Variants in RESF1 observed in about 807,000 individuals in gnomAD.
RESF1 encodes retroelement silencing factor 1.
A neutral mutation model predicts 134.7 loss-of-function variants in RESF1; 65 were observed. The observed-to-expected ratio is 0.48, with a 90% CI of 0.40 to 0.59. The LOEUF (loss-of-function observed/expected upper bound fraction) is 0.59. RESF1 is among the 20% of genes least tolerant of loss of function. The pLI, the probability that RESF1 is intolerant of heterozygous loss-of-function variation, is 0.00. For missense variants in RESF1, 2,274 were observed against 2,002.7 expected, an observed-to-expected ratio of 1.14 and a Z score of -2.59; for synonymous variants, 762 against 702.2, an observed-to-expected ratio of 1.09 and a Z score of -1.35.
chr12:31,990,863 G>C (rs149261242), intron 5 of RESF1, among the ~76,000 whole-genome samples: 89 of 152,268 alleles, frequency 5.8e-4, no homozygotes, highest in Non-Finnish European at 8.5e-4. Context: ...CAACTATGAA[G>C]TGAGAGAAAA....
rs1939918306 is a variant in RESF1 at position 31,984,705 on chromosome 12, A to G, written c.3750A>G (p.Glu1250=). Reference sequence around the variant, plus strand: ...CAGATGGGAAAAGTCATTTTCCTGAACTACAAGACGACAGTAGAAAAGATA... The same window carrying G: ...CAGATGGGAAAAGTCATTTTCCTGAGCTACAAGACGACAGTAGAAAAGATA... ...TPPDGKSHFP[E]LQDDSRKDTP... The change falls in exon 4 of 6, where the codon GAA becomes GAG. Residue 1250 remains glutamate, a synonymous_variant. Coordinates refer to ENST00000312561, the MANE Select transcript of RESF1 (RefSeq NM_018169.4). 1.9e-6 allele frequency: 3 copies of G among 1,595,460 alleles called. No homozygotes were observed. The highest frequency in any genetic ancestry group is 2.6e-6 in the Non-Finnish European group (3 of 1,175,620).
Position 31,984,937 on chromosome 12 carries a change from AC to A in RESF1, c.3983del (p.Thr1328AsnfsTer7). The A allele has an allele frequency of 6.2e-7, 1 of 1,613,610 alleles. No homozygotes were observed. Among genetic ancestry groups the A allele is most frequent in the Non-Finnish European group, 8.5e-7 (1 of 1,179,906 alleles). On this transcript the variant is annotated frameshift_variant, in exon 4 of 6. Coordinates refer to ENST00000312561, the MANE Select transcript of RESF1 (RefSeq NM_018169.4). LOFTEE classifies it high-confidence loss of function. ...GGAAACCCGACAGAAGAAACATGTA[AC>A]ACAGAACTCACGTCCACTAAAAACA... The part of the protein sequence containing the change: ...SQETRQKKHV[T>X]QNSRPLKTKT...
chr12:31,984,817 C>G lies in RESF1; in HGVS notation c.3862C>G (p.Pro1288Ala), dbSNP rs1172259113. The change falls in exon 4 of 6, where the codon CCC becomes GCC. Residue 1288 changes from proline to alanine, a missense_variant. By Grantham distance (27) the Pro-to-Ala change is conservative. Coordinates refer to ENST00000312561, the MANE Select transcript of RESF1 (RefSeq NM_018169.4). Reference protein sequence around the residue: ...QFSSKCDKLNPLQNHKRKKLR... With the variant: ...QFSSKCDKLNALQNHKRKKLR... ...TTCATCTAAATGTGATAAACTAAATCCCTTGCAAAATCACAAAAGAAAAAA... is the reference window on the plus strand; with the variant it reads ...TTCATCTAAATGTGATAAACTAAATGCCTTGCAAAATCACAAAAGAAAAAA... 1 of 1,606,890 alleles carries G rather than the reference C, an allele frequency of 6.2e-7. No individual in the cohort carries two copies. Among genetic ancestry groups the G allele is most frequent in the African/African-American group, 1.3e-5 (1 of 74,402 alleles).
rs1255604133 is a variant in RESF1, at chr12:31,985,242, G to A, written c.4287G>A (p.Lys1429=). Residue 1429 remains lysine (K), a synonymous_variant, in exon 4 of 6, where the codon AAG becomes AAA. Coordinates refer to ENST00000312561, the MANE Select transcript of RESF1 (RefSeq NM_018169.4). ...IVKEKMVSNT[K]SVDTKASSSK... is the part of the protein sequence containing the mutation. ...AAGAAAAGATGGTATCAAATACTAA[G>A]TCTGTAGACACGAAAGCGAGTTCAT... The A allele has an allele frequency of 3.7e-6, 6 of 1,607,806 alleles. No homozygotes were observed. The highest frequency in any genetic ancestry group is 1.7e-5 in the Admixed American group (1 of 58,094).
intron 2 of RESF1, among the ~76,000 whole-genome samples, chr12:31,963,218 G>A (rs935428180): frequency 3.3e-5 from 5 of 152,042 alleles, no homozygotes; most frequent in Non-Finnish European, 7.4e-5. Flanking sequence ...GGTGGCATGC[G>A]CCTGTAGTCC....
rs1316927766 is a variant in RESF1, at chr12:31,978,047, G to A, written c.-78-2831G>A. Among the ~76,000 whole-genome samples the A allele has an allele frequency of 4.0e-5, 6 of 151,732 alleles. No homozygotes were observed. The East Asian group carries it at 7.8e-4, about 20-fold the overall frequency. On this transcript the variant is annotated intron_variant, in intron 3 of 5. Coordinates refer to ENST00000312561, the MANE Select transcript of RESF1 (RefSeq NM_018169.4). ...CTTGAACTTCTGACCTCAAGCAGTCGCCCAGCTCAGCCTCCCAAAGTGCTG... is the reference window on the plus strand; with the variant it reads ...CTTGAACTTCTGACCTCAAGCAGTCACCCAGCTCAGCCTCCCAAAGTGCTG...
chr12:31,988,024 C>T (rs1026052305), intron 5 of RESF1, among the ~76,000 whole-genome samples: 11 of 152,252 alleles, frequency 7.2e-5, no homozygotes, highest in East Asian at 1.9e-4. Context: ...CATGAGACAC[C>T]GTGCCTGGCC....
rs751754420 is a variant in RESF1 at position 31,982,900 on chromosome 12, T to C, written c.1945T>C (p.Phe649Leu). 2 of 1,614,092 alleles carry C rather than the reference T, an allele frequency of 1.2e-6. No homozygotes were observed. The highest frequency in any genetic ancestry group is 1.7e-6 in the Non-Finnish European group (2 of 1,180,004). The stretch of plus-strand genomic sequence containing the variant: ...AAGTGGCAGGGTTTTGGACAACTCC[T>C]TTTGCAGTGGACAAGAATCCTCAAC... Reference protein sequence around the residue: ...NVSGRVLDNSFCSGQESSTKG... With the variant: ...NVSGRVLDNSLCSGQESSTKG... Residue 649 changes from phenylalanine (F) to leucine (L), a missense_variant, in exon 4 of 6, where the codon TTT becomes CTT. Coordinates refer to ENST00000312561, the MANE Select transcript of RESF1 (RefSeq NM_018169.4).
Position 31,985,365 on chromosome 12 carries a change from A to T in RESF1, c.4410A>T (p.Lys1470Asn), listed in dbSNP as rs768725597. 1 of 1,607,572 alleles carries T rather than the reference A, an allele frequency of 6.2e-7. No homozygotes were observed. The highest frequency in any genetic ancestry group is 1.1e-5 in the South Asian group (1 of 89,370). The stretch of plus-strand genomic sequence containing the variant: ...AAGCATCGAAGAAAATCTGTGTGAA[A>T]AACGTGCCATGTGATTCTGAACATA... ...SNKASKKICV[K>N]NVPCDSEHMR... The change falls in exon 4 of 6, where the codon AAA becomes AAT. Residue 1470 changes from lysine to asparagine, a missense_variant. Physicochemically the swap from Lys to Asn is moderately conservative, Grantham distance 94. Coordinates refer to ENST00000312561, the MANE Select transcript of RESF1 (RefSeq NM_018169.4).
chr12:31,989,379 G>C (rs577513301), intron 5 of RESF1, among the ~76,000 whole-genome samples: 7 of 116,718 alleles, frequency 6.0e-5, no homozygotes, highest in Admixed American at 2.1e-4. Flanking sequence ...CTGGGTGACA[G>C]AGAGAGAGTC....
chr12:31,966,980 C>T (rs1939412315), intron 2 of RESF1, among the ~76,000 whole-genome samples: 1 of 152,204 alleles, frequency 6.6e-6, no homozygotes, highest in Non-Finnish European at 1.5e-5. Flanking sequence ...CATATTCTGG[C>T]AGGACAACCC....
At chr12:31,964,498 T>C (rs1565836839) in intron 2 of RESF1, among the ~76,000 whole-genome samples, 1 of 152,254 alleles carries the variant, frequency 6.6e-6, no homozygotes, top group Non-Finnish European at 1.5e-5. Context: ...TATTCCCTAG[T>C]GTATGTGTAC....
intron 2 of RESF1, among the ~76,000 whole-genome samples, chr12:31,967,077 A>G (rs560119066): frequency 1.2e-4 from 18 of 152,292 alleles, no homozygotes; most frequent in Admixed American, 4.6e-4. Flanking sequence ...CCTTGGTTTC[A>G]ATTGTGCATA....
In RESF1 at chr12:31,981,162, T is replaced by C. The variant is rs1337350211; in HGVS notation, c.207T>C (p.Tyr69=). The change falls in exon 4 of 6, where the codon TAT becomes TAC. Residue 69 remains tyrosine (Y), a synonymous_variant. Coordinates refer to ENST00000312561, the MANE Select transcript of RESF1 (RefSeq NM_018169.4). ...AGCCACTGCTGAATATCCAAAATTATCCTCAACAAATTTCTGTTTCTGATA... is the reference window on the plus strand; with the variant it reads ...AGCCACTGCTGAATATCCAAAATTACCCTCAACAAATTTCTGTTTCTGATA... ...ISQPLLNIQN[Y]PQQISVSDMH... 6.2e-7 allele frequency: 1 copy of C among 1,613,972 alleles called. No homozygotes were observed. The highest frequency in any genetic ancestry group is 2.2e-5 in the East Asian group (1 of 44,890).
rs1222220226 is a variant in RESF1, at chr12:31,983,489, A to G, written c.2534A>G (p.Asn845Ser). The G allele has an allele frequency of 6.2e-7, 1 of 1,614,076 alleles. No individual in the cohort carries two copies. The change falls in exon 4 of 6, where the codon AAT (asparagine) becomes AGT (serine). Residue 845 changes from asparagine to serine, a missense_variant. Asn to Ser is a conservative substitution (Grantham distance 46). Coordinates refer to ENST00000312561, the MANE Select transcript of RESF1 (RefSeq NM_018169.4). ...TQKEKQNEST[N>S]GNSEVTPNVN... ...AAGGAAAAGCAGAATGAGTCAACTAATGGTAATTCAGAAGTCACACCTAAT... is the reference window on the plus strand; with the variant it reads ...AAGGAAAAGCAGAATGAGTCAACTAGTGGTAATTCAGAAGTCACACCTAAT...
rs759084347 is a variant in RESF1, at chr12:31,983,561, C to T, written c.2606C>T (p.Pro869Leu). The change falls in exon 4 of 6, where the codon CCT becomes CTT. Residue 869 changes from proline to leucine, a missense_variant. By Grantham distance (98) the Pro-to-Leu change is moderately conservative. Coordinates refer to ENST00000312561, the MANE Select transcript of RESF1 (RefSeq NM_018169.4). ...HNKLESAIHSPMNDQQISQES... is the reference protein window; with the variant it reads ...HNKLESAIHSLMNDQQISQES... ...AAATTAGAGTCAGCTATCCATTCTC[C>T]TATGAACGATCAGCAAATCTCACAG... 2 of 1,614,076 alleles carry T rather than the reference C, an allele frequency of 1.2e-6. No homozygotes were observed. The highest frequency in any genetic ancestry group is 1.7e-6 in the Non-Finnish European group (2 of 1,179,958).
intron 5 of RESF1, among the ~76,000 whole-genome samples, chr12:31,988,460 T>TG (rs1940022287): frequency 6.6e-6 from 1 of 152,182 alleles, no homozygotes; most frequent in Non-Finnish European, 1.5e-5. Flanking sequence ...AAGGTATGTG[T>TG]GGGGGGTATG....
intron 3 of RESF1, among the ~76,000 whole-genome samples, chr12:31,971,813 ACCAATTGTCTATCTTAGT>A (rs1174126070): frequency 6.6e-6 from 1 of 152,182 alleles, no homozygotes; most frequent in Admixed American, 6.5e-5. Context: ...AATTCCTGGT[ACCAATTGTCTATCTTAGT>A]CCATTTTCTG....
chr12:31,981,766 A>G lies in RESF1; in HGVS notation c.811A>G (p.Thr271Ala). ...TSAVPSQQYA[T>A]QTDKRPPPPP... ...AGCTGTACCATCACAGCAGTATGCC[A>G]CGCAAACTGACAAAAGACCTCCTCC... Residue 271 changes from threonine (T) to alanine (A), a missense_variant, in exon 4 of 6, where the codon ACG (threonine) becomes GCG (alanine). Physicochemically the swap from Thr to Ala is moderately conservative, Grantham distance 58. Transcript: ENST00000312561. 1 of 1,613,818 alleles carries G rather than the reference A, an allele frequency of 6.2e-7. No homozygotes were observed. The highest frequency in any genetic ancestry group is 8.5e-7 in the Non-Finnish European group (1 of 1,179,960).
Sources: gnomAD v4.1 joint callset for allele counts (sites outside exome capture counted in the v4.1 genomes callset) on GRCh38, gnomAD v4.1.1 for gene constraint, MANE v1.5 for transcripts, NCBI Gene and HGNC (gene_info 2026-07-23, HGNC 2026-07-21) for gene names.